RSPO2: variants seen among roughly 807,000 people sequenced by gnomAD.
RSPO2 encodes the protein R-spondin 2.
In RSPO2, 14 loss-of-function variants were observed where a neutral mutation model predicts 30.9. The ratio of observed to expected loss-of-function variants is 0.45; its 90% CI spans 0.30 to 0.71. RSPO2 has a LOEUF of 0.71. Ranked by LOEUF, RSPO2 falls within the 30% of genes least tolerant of loss-of-function variation. The pLI is 0.08. For synonymous variants in RSPO2, 107 were observed against 96.4 expected (o/e 1.11, Z -0.64); for missense variants, 264 against 301.9 (o/e 0.87, Z 0.93).
intron 3 of RSPO2, among the ~76,000 whole-genome samples, chr8:107,963,951 C>T (rs958227256): frequency 3.3e-5 from 5 of 152,152 alleles, no homozygotes; most frequent in South Asian, 2.1e-4. Flanking sequence ...TAGCCATCTC[C>T]GTATCCTTTG....
chr8:108,054,597 C>G (rs1452714465), intron 2 of RSPO2, among the ~76,000 whole-genome samples: 2 of 152,192 alleles, frequency 1.3e-5, no homozygotes, highest in African/African-American at 4.8e-5. Flanking sequence ...TTTTGATAGA[C>G]AGTGTTCTCT....
At chr8:107,913,431 C>A (rs1480585224) in intron 5 of RSPO2, among the ~76,000 whole-genome samples, 3 of 152,166 alleles carry the variant, frequency 2.0e-5, no homozygotes, top group Non-Finnish European at 4.4e-5. Flanking sequence ...GTTATTCCTA[C>A]AGGACAAAGA....
At chr8:108,035,609 TAC>T (rs1811570423) in intron 2 of RSPO2, among the ~76,000 whole-genome samples, 1 of 152,214 alleles carries the variant, frequency 6.6e-6, no homozygotes. Context: ...TAGCTGGGAC[TAC>T]AGGCACCCGC....
intron 5 of RSPO2, among the ~76,000 whole-genome samples, chr8:107,909,293 C>T (rs1586532173): frequency 7.4e-6 from 1 of 134,380 alleles, no homozygotes; most frequent in Non-Finnish European, 1.5e-5. Flanking sequence ...GATGGAGTCT[C>T]GCTCTGTCGC....
At position 108,012,849 on chromosome 8, in the gene RSPO2, T is replaced by C. The variant is rs183024238; in HGVS notation, c.95-23605A>G. Reference sequence around the variant, plus strand: ...AGATTAGAAAATATAAAAGTTAAGGTTTTCAAGTTTTCATTCATTGACATT... The same window carrying C: ...AGATTAGAAAATATAAAAGTTAAGGCTTTCAAGTTTTCATTCATTGACATT... On this transcript the variant is annotated intron_variant, in intron 2 of 5. Transcript: ENST00000276659. Among the ~76,000 whole-genome samples, 12 of 152,100 alleles carry C rather than the reference T, an allele frequency of 7.9e-5. No individual in the cohort carries two copies. In the East Asian group the frequency reaches 2.3e-3, roughly 29 times the overall value.
intron 2 of RSPO2, among the ~76,000 whole-genome samples, chr8:108,055,542 T>A (rs1812218177): frequency 6.6e-6 from 1 of 152,128 alleles, no homozygotes; most frequent in South Asian, 2.1e-4. Flanking sequence ...GATGGTGACA[T>A]CCTGGCCTAC....
intron 2 of RSPO2, among the ~76,000 whole-genome samples, chr8:107,999,109 AATG>A (rs766890820): frequency 1.3e-5 from 2 of 152,164 alleles, no homozygotes; most frequent in African/African-American, 2.4e-5. Context: ...TTTAATAGAG[AATG>A]ATATTTTTAG....
At chr8:108,031,741 G>C (rs1242098085) in intron 2 of RSPO2, among the ~76,000 whole-genome samples, 1 of 152,084 alleles carries the variant, frequency 6.6e-6, no homozygotes, top group Non-Finnish European at 1.5e-5. Flanking sequence ...GTAAGTGAAG[G>C]AGGGAAAAAA....
At chr8:107,939,259 C>T (rs1213039280) in intron 5 of RSPO2, among the ~76,000 whole-genome samples, 1 of 151,994 alleles carries the variant, frequency 6.6e-6, no homozygotes. Flanking sequence ...TGAAACCTCC[C>T]ACACTTTCCC....
intron 3 of RSPO2, among the ~76,000 whole-genome samples, chr8:107,985,064 A>AAC (rs1435250431): frequency 6.6e-6 from 1 of 152,174 alleles, no homozygotes; most frequent in East Asian, 1.9e-4. Flanking sequence ...GACTCTGGTA[A>AAC]ACATCCTATA....
intron 2 of RSPO2, among the ~76,000 whole-genome samples, chr8:108,030,052 A>G (rs1048787263): frequency 1.4e-5 from 2 of 142,714 alleles, no homozygotes; most frequent in Non-Finnish European, 3.0e-5. Flanking sequence ...TCTCAGCTCC[A>G]TGTCAATTTT....
intron 2 of RSPO2, among the ~76,000 whole-genome samples, chr8:108,014,674 T>A (rs1810820067): frequency 1.3e-5 from 2 of 150,732 alleles, no homozygotes; most frequent in Non-Finnish European, 3.0e-5. Context: ...GAGGGGAACA[T>A]CACACACTGG....
chr8:108,036,358 A>G (rs1392964053), intron 2 of RSPO2, among the ~76,000 whole-genome samples: 1 of 152,226 alleles, frequency 6.6e-6, no homozygotes. Context: ...AGCATGGTTT[A>G]CTGAAAATAT....
chr8:108,037,208 T>C (rs1168802815), intron 2 of RSPO2, among the ~76,000 whole-genome samples: 1 of 152,220 alleles, frequency 6.6e-6, no homozygotes, highest in Non-Finnish European at 1.5e-5. Context: ...GGAAAAGTTC[T>C]TGAAGAACAT....
intron 2 of RSPO2, among the ~76,000 whole-genome samples, chr8:108,028,232 A>G (rs1478505855): frequency 6.6e-6 from 1 of 152,022 alleles, no homozygotes; most frequent in African/African-American, 2.4e-5. Flanking sequence ...TGCTTCTGAT[A>G]TTTCCTTTCT....
At chr8:107,927,392 T>G (rs1812415638) in intron 5 of RSPO2, among the ~76,000 whole-genome samples, 2 of 152,318 alleles carry the variant, frequency 1.3e-5, no homozygotes, top group Admixed American at 1.3e-4. Flanking sequence ...CTTTATTTCT[T>G]TCTCCTGCCT....
At chr8:107,951,999 T>C (rs891895396) in intron 5 of RSPO2, among the ~76,000 whole-genome samples, 1 of 152,062 alleles carries the variant, frequency 6.6e-6, no homozygotes, top group Admixed American at 6.6e-5. Context: ...AAAGAAAAAC[T>C]ACCACCACCA....
In RSPO2 at chr8:108,082,722, C is replaced by T; in HGVS notation, c.-84G>A. The T allele has an allele frequency of 8.7e-7, 1 of 1,147,088 alleles. No individual in the cohort carries two copies. The highest frequency in any genetic ancestry group is 1.3e-6 in the Non-Finnish European group (1 of 778,586). The allele number at this position is 1,147,088 out of a possible 1,614,324, so 71.1% of individuals were successfully genotyped here. On this transcript the variant is annotated 5_prime_UTR_variant, in exon 2 of 6. Coordinates refer to ENST00000276659, the MANE Select transcript of RSPO2 (RefSeq NM_178565.5). ...CAAAGAGCCGGCGCCGGCCGCGCTG[C>T]TGGGGAGGACTCAGAGGGAGACTCG...
chr8:107,915,670 G>A (rs756588340), intron 5 of RSPO2, among the ~76,000 whole-genome samples: 3 of 152,076 alleles, frequency 2.0e-5, no homozygotes, highest in Non-Finnish European at 4.4e-5. Context: ...CTAACTCAGA[G>A]AACCCTCCTT....
Sources: gnomAD v4.1 joint callset for allele counts (sites outside exome capture counted in the v4.1 genomes callset) on GRCh38, gnomAD v4.1.1 for gene constraint, MANE v1.5 for transcripts, NCBI Gene and HGNC (gene_info 2026-07-23, HGNC 2026-07-21) for gene names.